Variants in HECW2 observed in about 807,000 individuals in gnomAD.
HECW2 encodes the protein HECT, C2 and WW domain containing E3 ubiquitin protein ligase 2.
A neutral mutation model predicts 175.2 loss-of-function variants in HECW2; 61 were observed. That is an observed-to-expected ratio of 0.35 (90% CI 0.28 to 0.43). HECW2 has a LOEUF of 0.43. Among genes scored for constraint, HECW2 ranks in the 20% least tolerant of loss-of-function variants. The pLI is 1.00. For missense variants in HECW2, 1,524 were observed against 2,000.5 expected, an observed-to-expected ratio of 0.76 and a Z score of 4.54; for synonymous variants, 671 against 731.0, an observed-to-expected ratio of 0.92 and a Z score of 1.32.
Position 196,194,088 on chromosome 2 carries a change from G to T in HECW2, c.*7189C>A, listed in dbSNP as rs1029719559. ...CAACCCATGTGAGTTAAGAAATTAT[G>T]ATTTGTATTATAATTCATTCCTTTA... On this transcript the variant is annotated 3_prime_UTR_variant, in exon 29 of 29. Coordinates refer to ENST00000644978, the MANE Select transcript of HECW2 (RefSeq NM_001348768.2). 5 of 152,194 alleles carry T rather than the reference G, an allele frequency of 3.3e-5. No individual in the cohort carries two copies. Among genetic ancestry groups the T allele is most frequent in the Non-Finnish European group, 7.4e-5 (5 of 68,002 alleles). The allele number at this position is 152,194 out of a possible 1,614,324, so 9.4% of individuals were successfully genotyped here. A position where few individuals can be genotyped will look rare whatever the true frequency, so the allele number is the denominator to read the frequency against.
rs571521531 is a variant in HECW2, at chr2:196,351,582, A to G, written c.293-7818T>C. 3.3e-5 allele frequency among the ~76,000 whole-genome samples: 5 copies of G among 152,338 alleles called. No individual in the cohort carries two copies. In the South Asian group the frequency reaches 1.0e-3, roughly 32 times the overall value. On this transcript the variant is annotated intron_variant, in intron 2 of 28. Transcript: ENST00000644978. Reference sequence around the variant, plus strand: ...ATAGACGAGAAATTTTTTGAGAAAGATGCCATGTGACCGATTGTGCCAGAG... The same window carrying G: ...ATAGACGAGAAATTTTTTGAGAAAGGTGCCATGTGACCGATTGTGCCAGAG...
chr2:196,559,113 C>G (rs183259145), intron 1 of HECW2, among the ~76,000 whole-genome samples: 1 of 152,270 alleles, frequency 6.6e-6, no homozygotes, highest in African/African-American at 2.4e-5. Flanking sequence ...AGCAGGAGAG[C>G]TGGGATTCAA....
At chr2:196,565,306 T>A (rs1452055661) in intron 1 of HECW2, among the ~76,000 whole-genome samples, 5 of 152,170 alleles carry the variant, frequency 3.3e-5, no homozygotes, top group African/African-American at 1.2e-4. Flanking sequence ...AAATTGATGA[T>A]GACAAAGCAG....
chr2:196,465,316 T>TCTC (rs774531313), intron 1 of HECW2, among the ~76,000 whole-genome samples: 9 of 152,204 alleles, frequency 5.9e-5, no homozygotes, highest in Non-Finnish European at 1.2e-4. Flanking sequence ...TCCTTCCAGA[T>TCTC]TCAGAGGTGT....
At chr2:196,549,493 C>T (rs1158233012) in intron 1 of HECW2, among the ~76,000 whole-genome samples, 1 of 152,086 alleles carries the variant, frequency 6.6e-6, no homozygotes, top group Non-Finnish European at 1.5e-5. Flanking sequence ...TAAGATTCAT[C>T]CATGTAATTA....
intron 1 of HECW2, among the ~76,000 whole-genome samples, chr2:196,550,350 C>T (rs1027978880): frequency 7.2e-5 from 11 of 151,764 alleles, no homozygotes; most frequent in Non-Finnish European, 1.5e-4. Context: ...GACTCCTCTA[C>T]GAAATGAATC....
chr2:196,529,548 A>C (rs571337286), intron 1 of HECW2, among the ~76,000 whole-genome samples: 4 of 152,304 alleles, frequency 2.6e-5, no homozygotes, highest in African/African-American at 9.6e-5. Context: ...AATTAACAGA[A>C]AAGAATGCTA....
chr2:196,347,607 A>C (rs1693005156), intron 2 of HECW2, among the ~76,000 whole-genome samples: 1 of 152,214 alleles, frequency 6.6e-6, no homozygotes, highest in South Asian at 2.1e-4. Context: ...ACAGAACACA[A>C]ATGTTCCATA....
intron 17 of HECW2, among the ~76,000 whole-genome samples, chr2:196,264,739 G>A (rs1689442619): frequency 6.6e-6 from 1 of 152,146 alleles, no homozygotes; most frequent in African/African-American, 2.4e-5. Context: ...TCAAAAATGT[G>A]AAAATTAGAT....
chr2:196,580,641 C>T (rs1005362769), intron 1 of HECW2, among the ~76,000 whole-genome samples: 1 of 150,468 alleles, frequency 6.6e-6, no homozygotes, highest in African/African-American at 2.5e-5. Context: ...CAACTTCACA[C>T]CCGCTACAAT....
At chr2:196,472,163 GTA>G (rs749749236) in intron 1 of HECW2, among the ~76,000 whole-genome samples, 6 of 152,040 alleles carry the variant, frequency 3.9e-5, no homozygotes, top group Non-Finnish European at 7.4e-5. Flanking sequence ...GCTATATATT[GTA>G]TGTAGGTACT....
chr2:196,397,139 A>AAAAC (rs1559086773), intron 2 of HECW2, among the ~76,000 whole-genome samples: 8 of 17,334 alleles, frequency 4.6e-4, no homozygotes, highest in South Asian at 2.8e-3. Flanking sequence ...CAAAACAAAA[A>AAAAC]AAAAAAAAAC....
Position 196,317,236 on chromosome 2 carries a change from T to C in HECW2, c.2434+38A>G, listed in dbSNP as rs1199972441. ...GGGTCTGCCTGTCACCTTTCACCGT[T>C]TGATTAAGGTGGGCCCTTTTAACTA... On this transcript the variant is annotated intron_variant, in intron 10 of 28. Coordinates refer to ENST00000644978, the MANE Select transcript of HECW2 (RefSeq NM_001348768.2). 9 of 1,452,800 alleles carry C rather than the reference T, an allele frequency of 6.2e-6. No homozygotes were observed. In the South Asian group the frequency reaches 9.4e-5, roughly 15 times the overall value. The allele number at this position is 1,452,800 out of a possible 1,614,324, so 90.0% of individuals were successfully genotyped here. A position where few individuals can be genotyped will look rare whatever the true frequency, so the allele number is the denominator to read the frequency against.
At chr2:196,256,355 C>G (rs533745248) in intron 18 of HECW2, among the ~76,000 whole-genome samples, 1 of 152,144 alleles carries the variant, frequency 6.6e-6, no homozygotes. Flanking sequence ...GGAGAAAATG[C>G]AGCCTTGCTC....
intron 13 of HECW2, among the ~76,000 whole-genome samples, chr2:196,304,149 C>T (rs772603399): frequency 6.6e-6 from 1 of 152,196 alleles, no homozygotes; most frequent in Non-Finnish European, 1.5e-5. Context: ...CCTTCTGTAG[C>T]CCTGCACGCT....
At chr2:196,434,630 A>G (rs913601459) in intron 1 of HECW2, among the ~76,000 whole-genome samples, 71 of 152,324 alleles carry the variant, frequency 4.7e-4, no homozygotes, top group African/African-American at 1.1e-3. Flanking sequence ...TTTACATAGA[A>G]TTGATCTGAT....
chr2:196,380,556 AGT>A (rs2105920409), intron 2 of HECW2, among the ~76,000 whole-genome samples: 1 of 152,224 alleles, frequency 6.6e-6, no homozygotes, highest in East Asian at 1.9e-4. Flanking sequence ...GTTTTTGAAA[AGT>A]GTTCTGGTGA....
intron 17 of HECW2, among the ~76,000 whole-genome samples, chr2:196,266,316 C>T (rs1449089037): frequency 6.6e-6 from 1 of 151,550 alleles, no homozygotes; most frequent in Non-Finnish European, 1.5e-5. Context: ...CACTACACTG[C>T]AGCCTGGGCA....
chr2:196,507,188 T>TACGTGTATATTACACACACACTA (rs1268219163), intron 1 of HECW2, among the ~76,000 whole-genome samples: 9 of 152,156 alleles, frequency 5.9e-5, no homozygotes, highest in Admixed American at 6.5e-5. Flanking sequence ...CACACACTAA[T>TACGTGTATATTACACACACACTA]ATGTGTATAT....
Sources: gnomAD v4.1 joint callset for allele counts (sites outside exome capture counted in the v4.1 genomes callset) on GRCh38, gnomAD v4.1.1 for gene constraint, MANE v1.5 for transcripts, NCBI Gene and HGNC (gene_info 2026-07-23, HGNC 2026-07-21) for gene names.